Variants in GPR176 observed in about 807,000 individuals in gnomAD.
GPR176 encodes the protein G protein-coupled receptor 176.
GPR176 carries 26 observed loss-of-function variants against 35.4 expected under a neutral mutation model. The ratio of observed to expected loss-of-function variants is 0.74; its 90% confidence interval spans 0.54 to 1.02. The LOEUF is 1.02. Ranked by LOEUF, GPR176 falls within the 50% of genes least tolerant of loss-of-function variation. The pLI, the probability that GPR176 is intolerant of heterozygous loss-of-function variation, is 0.00. For missense variants in GPR176, 597 were observed against 665.3 expected (o/e 0.90, Z 1.13); for synonymous variants, 278 against 271.3 (o/e 1.02, Z -0.24).
At chr15:39,885,023 A>C (rs1420970036) in intron 1 of GPR176, among the ~76,000 whole-genome samples, 1 of 152,186 alleles carries the variant, frequency 6.6e-6, no homozygotes, top group Non-Finnish European at 1.5e-5. Context: ...CATCAACTTA[A>C]ACCTCAAACT....
chr15:39,865,902 T>C (rs1046592620), intron 1 of GPR176, among the ~76,000 whole-genome samples: 2 of 152,174 alleles, frequency 1.3e-5, no homozygotes, highest in Non-Finnish European at 2.9e-5. Flanking sequence ...ATGAAATAGT[T>C]ATTCATTGTA....
intron 1 of GPR176, among the ~76,000 whole-genome samples, chr15:39,838,448 A>G (rs1257500875): frequency 6.6e-6 from 1 of 152,210 alleles, no homozygotes; most frequent in Non-Finnish European, 1.5e-5. Flanking sequence ...AAAGAAAGAA[A>G]ACAGTTTTTC....
chr15:39,846,397 G>C (rs550945859), intron 1 of GPR176, among the ~76,000 whole-genome samples: 91 of 152,274 alleles, frequency 6.0e-4, no homozygotes, highest in African/African-American at 2.0e-3. Flanking sequence ...AGGCCTAGCA[G>C]AGAGCTAGAA....
intron 1 of GPR176, among the ~76,000 whole-genome samples, chr15:39,886,794 G>A (rs1460127464): frequency 2.0e-5 from 3 of 152,212 alleles, no homozygotes; most frequent in African/African-American, 7.2e-5. Flanking sequence ...ACCTGGGCCT[G>A]CTAATAGCAA....
chr15:39,906,475 G>T (rs1459508208), intron 1 of GPR176, among the ~76,000 whole-genome samples: 2 of 152,180 alleles, frequency 1.3e-5, no homozygotes, highest in African/African-American at 4.8e-5. Context: ...CATAGGAAGG[G>T]TCATGTCCCC....
At chr15:39,831,079 G>T (rs1285355529) in intron 1 of GPR176, among the ~76,000 whole-genome samples, 1 of 152,164 alleles carries the variant, frequency 6.6e-6, no homozygotes, top group African/African-American at 2.4e-5. Flanking sequence ...CTTAAGGTTG[G>T]AACGGGGGAA....
At chr15:39,850,047 A>G (rs2030746283) in intron 1 of GPR176, among the ~76,000 whole-genome samples, 1 of 152,142 alleles carries the variant, frequency 6.6e-6, no homozygotes, top group African/African-American at 2.4e-5. Context: ...GGTATAAAAG[A>G]TTTTTAAAAT....
At chr15:39,886,036 T>C (rs151049742) in intron 1 of GPR176, among the ~76,000 whole-genome samples, 1,894 of 152,136 alleles carry the variant, frequency 0.012, 48 homozygotes, top group African/African-American at 0.041. Context: ...GAGTTTGAGA[T>C]GAGACTCACC....
intron 1 of GPR176, among the ~76,000 whole-genome samples, chr15:39,893,737 C>T (rs1253761723): frequency 6.8e-6 from 1 of 146,546 alleles, no homozygotes; most frequent in East Asian, 2.0e-4. Context: ...GGGGGGCTGA[C>T]CCCCCCACCT....
At chr15:39,885,845 G>A (rs1451105000) in intron 1 of GPR176, among the ~76,000 whole-genome samples, 1 of 152,218 alleles carries the variant, frequency 6.6e-6, no homozygotes, top group Non-Finnish European at 1.5e-5. Flanking sequence ...TAGAAGACAA[G>A]AGAAAGACAG....
intron 1 of GPR176, among the ~76,000 whole-genome samples, chr15:39,893,769 G>A (rs1595512314): frequency 7.0e-6 from 1 of 143,294 alleles, no homozygotes; most frequent in East Asian, 2.1e-4. Flanking sequence ...GGGGCGGCTG[G>A]CCAGGCGGGG....
At chr15:39,916,222 C>T (rs2033721802) in intron 1 of GPR176, among the ~76,000 whole-genome samples, 1 of 152,132 alleles carries the variant, frequency 6.6e-6, no homozygotes, top group African/African-American at 2.4e-5. Context: ...GATTCCAGAT[C>T]TTTTGGAGTC....
At chr15:39,907,749 A>AT (rs963312657) in intron 1 of GPR176, among the ~76,000 whole-genome samples, 2 of 152,018 alleles carry the variant, frequency 1.3e-5, no homozygotes, top group African/African-American at 4.8e-5. Context: ...ACACAGCTAG[A>AT]TTTTTTTTCT....
chr15:39,896,146 C>G (rs1238939384), intron 1 of GPR176, among the ~76,000 whole-genome samples: 1 of 152,144 alleles, frequency 6.6e-6, no homozygotes, highest in Non-Finnish European at 1.5e-5. Context: ...CCTGGAACCT[C>G]TGGGTTCAAG....
chr15:39,854,495 G>A (rs369232205), intron 1 of GPR176, among the ~76,000 whole-genome samples: 1 of 152,096 alleles, frequency 6.6e-6, no homozygotes, highest in East Asian at 1.9e-4. Context: ...TAGAATCTCA[G>A]GGTCTGTAGC....
intron 1 of GPR176, among the ~76,000 whole-genome samples, chr15:39,889,914 C>T (rs867849712): frequency 1.3e-5 from 2 of 152,150 alleles, no homozygotes; most frequent in Non-Finnish European, 2.9e-5. Flanking sequence ...AGGCACATCC[C>T]CTCAATTCTC....
At chr15:39,858,759 T>G (rs2031408391) in intron 1 of GPR176, among the ~76,000 whole-genome samples, 1 of 152,182 alleles carries the variant, frequency 6.6e-6, no homozygotes, top group Admixed American at 6.5e-5. Context: ...TTTTTTTCTT[T>G]TTTTTGAGAT....
intron 1 of GPR176, among the ~76,000 whole-genome samples, chr15:39,833,445 G>C (rs752039531): frequency 9.2e-5 from 14 of 152,140 alleles, no homozygotes; most frequent in Non-Finnish European, 1.9e-4. Context: ...GTCCAGGATA[G>C]ACAAATCCTT....
chr15:39,859,133 T>C (rs557432995), intron 1 of GPR176, among the ~76,000 whole-genome samples: 60 of 152,096 alleles, frequency 3.9e-4, no homozygotes, highest in African/African-American at 1.4e-3. Flanking sequence ...AAAACTAGGA[T>C]AGAAAAATCT....
Sources: gnomAD v4.1 joint callset for allele counts (sites outside exome capture counted in the v4.1 genomes callset) on GRCh38, gnomAD v4.1.1 for gene constraint, MANE v1.5 for transcripts, NCBI Gene and HGNC (gene_info 2026-07-23, HGNC 2026-07-21) for gene names.